ZNF676: variants seen among roughly 807,000 people sequenced by gnomAD.
ZNF676 encodes the protein zinc finger protein 676.
Under a neutral mutation model 6.0 loss-of-function variants are expected in ZNF676, and 4 were observed. The observed-to-expected ratio is 0.67, with a 90% CI of 0.33 to 1.53. The LOEUF is 1.53. Ranked by LOEUF, ZNF676 falls within the 40% of genes most tolerant of loss-of-function variation. The pLI, the probability that ZNF676 is intolerant of heterozygous loss-of-function variation, is 0.06. For synonymous variants in ZNF676, 198 were observed against 223.1 expected, an observed-to-expected ratio of 0.89 and a Z score of 1.00; for missense variants, 644 against 679.7, an observed-to-expected ratio of 0.95 and a Z score of 0.58.
intron 1 of ZNF676, among the ~76,000 whole-genome samples, chr19:22,204,720 A>G (rs759389147): frequency 1.3e-5 from 2 of 152,200 alleles, no homozygotes; most frequent in Non-Finnish European, 2.9e-5. Flanking sequence ...GGCTCTTGAA[A>G]TAAATTTTAC....
chr19:22,229,295 C>A, the ZNF676 span, among the ~76,000 whole-genome samples: 1 of 152,064 alleles, frequency 6.6e-6, no homozygotes, highest in African/African-American at 2.4e-5. Context: ...AACTGGCTAG[C>A]CATATGCAGA....
chr19:22,253,708 C>T, the ZNF676 span, among the ~76,000 whole-genome samples: 4,862 of 151,858 alleles, frequency 0.032, 111 homozygotes, highest in Non-Finnish European at 0.047. Context: ...TCACATATGA[C>T]GGTCACAATC....
chr19:22,211,017 C>T (rs2024124385), intron 1 of ZNF676, among the ~76,000 whole-genome samples: 1 of 151,832 alleles, frequency 6.6e-6, no homozygotes, highest in Non-Finnish European at 1.5e-5. Flanking sequence ...GAAAAAAAGG[C>T]CTTTTCTACC....
At chr19:22,252,999 G>T in the ZNF676 span, among the ~76,000 whole-genome samples, 1 of 152,100 alleles carries the variant, frequency 6.6e-6, no homozygotes, top group East Asian at 1.9e-4. Context: ...TGTATGTTGG[G>T]TATAGGTGTA....
chr19:22,213,027 A>G lies in ZNF676; in HGVS notation c.3+2605T>C, dbSNP rs371096927. On this transcript the variant is annotated intron_variant, in intron 1 of 3. Coordinates refer to the ZNF676 transcript ENST00000650058. ...AAGAAGAAGAAAAAAAACTAAGGTC[A>G]AAATAAGTGAACAAATCATTTAATC... Among the ~76,000 whole-genome samples, 10 of 152,132 alleles carry G rather than the reference A, an allele frequency of 6.6e-5. No homozygotes were observed. In the South Asian group the frequency reaches 1.2e-3, roughly 19 times the overall value.
At chr19:22,252,661 G>A in the ZNF676 span, among the ~76,000 whole-genome samples, 1 of 152,210 alleles carries the variant, frequency 6.6e-6, no homozygotes, top group African/African-American at 2.4e-5. Context: ...AGAGGACAGG[G>A]TGGAGGATTA....
At chr19:22,208,914 C>A (rs1599718711) in intron 1 of ZNF676, among the ~76,000 whole-genome samples, 1 of 152,164 alleles carries the variant, frequency 6.6e-6, no homozygotes, top group African/African-American at 2.4e-5. Context: ...GCACTGCAGC[C>A]TGGGAAAGAA....
the ZNF676 span, among the ~76,000 whole-genome samples, chr19:22,233,727 G>A: frequency 6.7e-6 from 1 of 148,684 alleles, no homozygotes; most frequent in African/African-American, 2.5e-5. Context: ...TCAGCACTTT[G>A]TCACTTTGTG....
chr19:22,256,316 T>C, the ZNF676 span, among the ~76,000 whole-genome samples: 20 of 152,058 alleles, frequency 1.3e-4, no homozygotes, highest in African/African-American at 4.8e-4. Context: ...ATTTGTACAA[T>C]ATTCCCCGCT....
chr19:22,183,068 TA>T (rs1403452572), intron 2 of ZNF676, among the ~76,000 whole-genome samples: 1 of 152,066 alleles, frequency 6.6e-6, no homozygotes, highest in Non-Finnish European at 1.5e-5. Context: ...CTGATTAAAA[TA>T]TATTGTTTTA....
At chr19:22,199,946 C>A (rs2144784469), upstream of ZNF676, among the ~76,000 whole-genome samples, 1 of 152,194 alleles carries the variant, frequency 6.6e-6, no homozygotes, top group South Asian at 2.1e-4. Flanking sequence ...AAAAAGGCAA[C>A]AGTATTCATG....
chr19:22,232,627 C>A, the ZNF676 span, among the ~76,000 whole-genome samples: 1 of 152,228 alleles, frequency 6.6e-6, no homozygotes, highest in South Asian at 2.1e-4. Flanking sequence ...GCCTTCCCAA[C>A]AGCTCATAAA....
chr19:22,228,078 T>C, the ZNF676 span, among the ~76,000 whole-genome samples: 3 of 152,326 alleles, frequency 2.0e-5, 1 homozygote, highest in South Asian at 4.1e-4. Flanking sequence ...CCAATATCCC[T>C]GATGAACATT....
chr19:22,189,198 C>T (rs4932962), intron 2 of ZNF676, among the ~76,000 whole-genome samples: 34,226 of 151,766 alleles, frequency 0.23, 4,330 homozygotes, highest in South Asian at 0.42. Context: ...CAGAAATAAC[C>T]TCACACATCT....
the ZNF676 span, among the ~76,000 whole-genome samples, chr19:22,239,146 C>G: frequency 6.6e-6 from 1 of 151,806 alleles, no homozygotes; most frequent in African/African-American, 2.4e-5. Flanking sequence ...AATGAGTCAG[C>G]ATTCTACCTG....
At chr19:22,238,382 C>T in the ZNF676 span, among the ~76,000 whole-genome samples, 3 of 152,102 alleles carry the variant, frequency 2.0e-5, no homozygotes, top group Admixed American at 2.0e-4. Context: ...CACTAAACTC[C>T]TTGCCTCTCA....
intron 1 of ZNF676, among the ~76,000 whole-genome samples, chr19:22,214,365 A>G (rs1029404424): frequency 5.3e-5 from 8 of 152,146 alleles, no homozygotes; most frequent in African/African-American, 1.7e-4. Flanking sequence ...CTGTAATCCC[A>G]GCACTTTGGG....
At chr19:22,197,301 A>G (rs558429530), upstream of ZNF676, among the ~76,000 whole-genome samples, 23 of 150,680 alleles carry the variant, frequency 1.5e-4, no homozygotes, top group South Asian at 6.6e-4. Flanking sequence ...TTGGGCAACA[A>G]GAGTGAAACT....
the ZNF676 span, among the ~76,000 whole-genome samples, chr19:22,227,020 A>C: frequency 2.0e-5 from 3 of 152,230 alleles, no homozygotes; most frequent in African/African-American, 7.2e-5. Flanking sequence ...AAAATAACCA[A>C]ATTTTGAAAG....
Sources: gnomAD v4.1 joint callset for allele counts (sites outside exome capture counted in the v4.1 genomes callset) on GRCh38, gnomAD v4.1.1 for gene constraint, MANE v1.5 for transcripts, NCBI Gene and HGNC (gene_info 2026-07-23, HGNC 2026-07-21) for gene names.